The following KCNQ1 variants were observed in gnomAD, a reference collection of about 807,000 sequenced individuals.
KCNQ1 encodes the protein potassium voltage-gated channel subfamily KQT member 1.
Under a neutral mutation model 72.4 loss-of-function variants are expected in KCNQ1, and 49 were observed. The observed-to-expected ratio is 0.68, with a 90% CI of 0.54 to 0.86. The LOEUF (loss-of-function observed/expected upper bound fraction) is 0.86, where lower values mean the gene tolerates loss of function less well. Among genes scored for constraint, KCNQ1 ranks in the 40% least tolerant of loss-of-function variants. KCNQ1 has a pLI of 0.00. For missense variants in KCNQ1, 790 were observed against 945.1 expected, an observed-to-expected ratio of 0.84 and a Z score of 2.15; for synonymous variants, 450 against 412.6, an observed-to-expected ratio of 1.09 and a Z score of -1.10.
intron 15 of KCNQ1, among the ~76,000 whole-genome samples, chr11:2,797,124 G>A (rs376036810): frequency 1.3e-5 from 2 of 152,102 alleles, no homozygotes; most frequent in African/African-American, 4.8e-5. Context: ...CGAGGACTCG[G>A]CCCAGAGCCT....
chr11:2,841,944 G>A (rs1313983358), intron 15 of KCNQ1, among the ~76,000 whole-genome samples: 1 of 152,224 alleles, frequency 6.6e-6, no homozygotes, highest in Non-Finnish European at 1.5e-5. Context: ...GGCAGCGGCA[G>A]CCCCAGGAAG....
chr11:2,848,609 G>A lies in KCNQ1; in HGVS notation c.*606G>A. 2 of 453,586 alleles carry A rather than the reference G, an allele frequency of 4.4e-6. No homozygotes were observed. Among genetic ancestry groups the A allele is most frequent in the Non-Finnish European group, 8.8e-6 (2 of 226,330 alleles). 28.1% of individuals were successfully genotyped at this position (453,586 alleles called of 1,614,324 possible). A position where few individuals can be genotyped will look rare whatever the true frequency, so the allele number is the denominator to read the frequency against. Reference sequence around the variant, plus strand: ...TGAGCCCCCAGCTTCCAGCAGGAGGGACAGTCTCACCATTTCCCCAGGGCA... The same window carrying A: ...TGAGCCCCCAGCTTCCAGCAGGAGGAACAGTCTCACCATTTCCCCAGGGCA... On this transcript the variant is annotated 3_prime_UTR_variant, in exon 16 of 16. Coordinates refer to ENST00000155840, the MANE Select transcript of KCNQ1 (RefSeq NM_000218.3).
At chr11:2,583,199 G>C (rs543442792) in intron 6 of KCNQ1, among the ~76,000 whole-genome samples, 2 of 152,294 alleles carry the variant, frequency 1.3e-5, no homozygotes, top group South Asian at 4.1e-4. Flanking sequence ...GTGGGTGCTG[G>C]GCTCCTTACA....
intron 15 of KCNQ1, among the ~76,000 whole-genome samples, chr11:2,800,197 C>T (rs163170): frequency 0.67 from 102,068 of 152,152 alleles, 35,771 homozygotes; most frequent in South Asian, 0.85. Context: ...GATCCTTTCC[C>T]GCCACCTTCA....
Position 2,602,280 on chromosome 11 carries a change from A to G in KCNQ1, c.1393+13426A>G, listed in dbSNP as rs74861229. 1.5e-4 allele frequency among the ~76,000 whole-genome samples: 23 copies of G among 148,810 alleles called. No homozygotes were observed. Among genetic ancestry groups the G allele is most frequent in the Non-Finnish European group, 3.3e-4 (22 of 66,798 alleles). The stretch of plus-strand genomic sequence containing the variant: ...ACTTCTGGCCTCTAGAACTGTGAGA[A>G]AAAAAAAAAAAGCGTGTCTTGTTTT... On this transcript the variant is annotated intron_variant, in intron 10 of 15. Transcript: ENST00000155840. This position sits in a 1 kb window ranked among gnomAD's most constrained non-coding sequence, Gnocchi z 4.8.
At chr11:2,839,524 C>T (rs55873274) in intron 15 of KCNQ1, among the ~76,000 whole-genome samples, 2,393 of 150,666 alleles carry the variant, frequency 0.016, 58 homozygotes, top group African/African-American at 0.055. Context: ...TCAGCAGACA[C>T]GGCACACATA....
chr11:2,763,168 A>G (rs1846436036), intron 11 of KCNQ1, among the ~76,000 whole-genome samples: 1 of 152,260 alleles, frequency 6.6e-6, no homozygotes, highest in African/African-American at 2.4e-5. Flanking sequence ...GAGTCTTCTT[A>G]TACATGAACA....
rs994961519 is a variant in KCNQ1, at chr11:2,613,937, C to T, written c.1393+25083C>T. ...TCTGTATATGCCCTTTTGAACTTTG[C>T]TTTTCTCACCTAACAACATCTCCTA... On this transcript the variant is annotated intron_variant, in intron 10 of 15. Transcript: ENST00000155840. The surrounding 1 kb of genome is among the most constrained non-coding windows in gnomAD (Gnocchi z 4.8). 1 of 398,444 alleles carries T rather than the reference C, an allele frequency of 2.5e-6. No homozygotes were observed. Among genetic ancestry groups the T allele is most frequent in the African/African-American group, 2.1e-5 (1 of 48,628 alleles). The allele number at this position is 398,444 out of a possible 1,614,324, so 24.7% of individuals were successfully genotyped here.
intron 11 of KCNQ1, among the ~76,000 whole-genome samples, chr11:2,733,076 C>T (rs1845880885): frequency 6.6e-6 from 1 of 152,178 alleles, no homozygotes; most frequent in African/African-American, 2.4e-5. Flanking sequence ...CTTCTGGAGC[C>T]TCAGTTTCCC....
Position 2,818,596 on chromosome 11 carries a change from G to A in KCNQ1, c.1795-29171G>A, listed in dbSNP as rs1483897296. Among the ~76,000 whole-genome samples, 1 of 152,158 alleles carries A rather than the reference G, an allele frequency of 6.6e-6. No homozygotes were observed. Among genetic ancestry groups the A allele is most frequent in the Non-Finnish European group, 1.5e-5 (1 of 68,012 alleles). ...ATCCCCACACGCACACAGCTTGGAGGCTGGAAGCCCCCGGAATGCGGCCCA... is the reference window on the plus strand; with the variant it reads ...ATCCCCACACGCACACAGCTTGGAGACTGGAAGCCCCCGGAATGCGGCCCA... On this transcript the variant is annotated intron_variant, in intron 15 of 15. Coordinates refer to ENST00000155840, the MANE Select transcript of KCNQ1 (RefSeq NM_000218.3). This position sits in a 1 kb window ranked among gnomAD's most constrained non-coding sequence, Gnocchi z 7.2.
Position 2,748,755 on chromosome 11 carries a change from G to C in KCNQ1, c.1515-20089G>C, listed in dbSNP as rs1266830976. Among the ~76,000 whole-genome samples, 1 of 152,228 alleles carries C rather than the reference G, an allele frequency of 6.6e-6. No individual in the cohort carries two copies. Among genetic ancestry groups the C allele is most frequent in the Non-Finnish European group, 1.5e-5 (1 of 68,028 alleles). ...CAAGACCATCTGTCACGTGACAGGG[G>C]CAGGCTAGGCCTTTCTTGAACTCAC... On this transcript the variant is annotated intron_variant, in intron 11 of 15. Coordinates refer to ENST00000155840, the MANE Select transcript of KCNQ1 (RefSeq NM_000218.3). The surrounding 1 kb of genome is among the most constrained non-coding windows in gnomAD (Gnocchi z 6.2).
Position 2,518,047 on chromosome 11 carries a change from G to A in KCNQ1, c.387-9881G>A, listed in dbSNP as rs371231838. Among the ~76,000 whole-genome samples, 4 of 152,352 alleles carry A rather than the reference G, an allele frequency of 2.6e-5. No individual in the cohort carries two copies. The East Asian group carries it at 5.8e-4, about 22-fold the overall frequency. ...AGGCGGCACTGAGACTTCATTCACC[G>A]AGCTTGAGGGTTTACCCTAACATTC... On this transcript the variant is annotated intron_variant, in intron 1 of 15. Transcript: ENST00000155840.
intron 11 of KCNQ1, among the ~76,000 whole-genome samples, chr11:2,736,520 T>C (rs1464457133): frequency 3.3e-5 from 5 of 152,246 alleles, no homozygotes; most frequent in Non-Finnish European, 5.9e-5. Context: ...TGGGAGGCGC[T>C]AGGTGCCAAT....
At chr11:2,643,540 CT>C in intron 10 of KCNQ1, 2 of 398,422 alleles carry the variant, frequency 5.0e-6, no homozygotes, top group Non-Finnish European at 8.8e-6. Flanking sequence ...AACTATGTGT[CT>C]TTACAGGTGA....
chr11:2,521,785 C>G (rs1217041077), intron 1 of KCNQ1, among the ~76,000 whole-genome samples: 2 of 152,264 alleles, frequency 1.3e-5, no homozygotes, highest in East Asian at 3.8e-4. Context: ...AGGCCAGAGT[C>G]CCGGCACAGC....
rs775006096 is a variant in KCNQ1 at position 2,627,901 on chromosome 11, C to A, written c.1394-34060C>A. On this transcript the variant is annotated intron_variant, in intron 10 of 15. Coordinates refer to ENST00000155840, the MANE Select transcript of KCNQ1 (RefSeq NM_000218.3). This position sits in a 1 kb window ranked among gnomAD's most constrained non-coding sequence, Gnocchi z 4.9. ...GAGTAGCTGGGACCACAGTCATGCA[C>A]CCCCATGCCCAGCTAATTTTTAAAA... 1.5e-5 allele frequency: 6 copies of A among 398,482 alleles called. No individual in the cohort carries two copies. The highest frequency in any genetic ancestry group is 4.1e-5 in the African/African-American group (2 of 48,596). The allele number at this position is 398,482 out of a possible 1,614,324, so 24.7% of individuals were successfully genotyped here. A position where few individuals can be genotyped will look rare whatever the true frequency, so the allele number is the denominator to read the frequency against.
intron 2 of KCNQ1, among the ~76,000 whole-genome samples, chr11:2,551,278 C>T (rs1184204146): frequency 6.6e-6 from 1 of 152,194 alleles, no homozygotes; most frequent in African/African-American, 2.4e-5. Flanking sequence ...CTAGCCCCTC[C>T]CCGCACCTGG....
intron 2 of KCNQ1, among the ~76,000 whole-genome samples, chr11:2,542,007 G>A (rs1245520477): frequency 6.6e-6 from 1 of 152,172 alleles, no homozygotes; most frequent in African/African-American, 2.4e-5. Flanking sequence ...GGCTGTCGCC[G>A]TGCCTGCTGT....
At position 2,463,910 on chromosome 11, in the gene KCNQ1, C is replaced by T. The variant is rs933253650; in HGVS notation, c.386+18426C>T. ...TGATGGATCAGGGGGAAGGTTCTCC[C>T]CACGGTGTGAGGCAGCACCGAGGGC... On this transcript the variant is annotated intron_variant, in intron 1 of 15. Coordinates refer to ENST00000155840, the MANE Select transcript of KCNQ1 (RefSeq NM_000218.3). The surrounding 1 kb of genome is among the most constrained non-coding windows in gnomAD (Gnocchi z 7.0). Among the ~76,000 whole-genome samples, 1 of 152,204 alleles carries T rather than the reference C, an allele frequency of 6.6e-6. No individual in the cohort carries two copies. Among genetic ancestry groups the T allele is most frequent in the Non-Finnish European group, 1.5e-5 (1 of 68,026 alleles).
Sources: allele counts gnomAD v4.1 joint callset (sites outside exome capture counted in the v4.1 genomes callset), GRCh38; gene constraint gnomAD v4.1.1; non-coding constraint Gnocchi (gnomAD v3.1); transcripts MANE v1.5; gene names NCBI Gene and HGNC (gene_info 2026-07-23, HGNC 2026-07-21).